Variants in NTNG1 observed in about 807,000 individuals in gnomAD.
The protein encoded by NTNG1 is netrin-G1.
NTNG1 carries 16 observed loss-of-function variants against 54.0 expected under a neutral mutation model. The observed-to-expected ratio is 0.30, with a 90% confidence interval of 0.20 to 0.45. NTNG1 has a LOEUF of 0.45. Among genes scored for constraint, NTNG1 ranks in the 20% least tolerant of loss-of-function variants. The pLI, the probability that NTNG1 is intolerant of heterozygous loss-of-function variation, is 1.00. For synonymous variants in NTNG1, 255 were observed against 263.1 expected, an observed-to-expected ratio of 0.97 and a Z score of 0.30; for missense variants, 530 against 678.7, an observed-to-expected ratio of 0.78 and a Z score of 2.43.
In NTNG1 at chr1:107,344,571, T is replaced by A. The variant is rs114958483; in HGVS notation, c.887+19649T>A. 2.2e-3 allele frequency among the ~76,000 whole-genome samples: 338 copies of A among 152,250 alleles called. 3 individuals are homozygous for A. The highest frequency in any genetic ancestry group is 7.7e-3 in the African/African-American group (322 of 41,560). On this transcript the variant is annotated intron_variant, in intron 3 of 7. Coordinates refer to ENST00000370068, the MANE Select transcript of NTNG1 (RefSeq NM_001113226.3). ...AGGGAGGGGATTCAAACACATTCCA[T>A]CTGTTGGTGTTTTAATTTTTTTCAA...
chr1:107,414,097 C>CAGT (rs1267328286), intron 5 of NTNG1, among the ~76,000 whole-genome samples: 5 of 152,152 alleles, frequency 3.3e-5, no homozygotes, highest in African/African-American at 1.2e-4. Flanking sequence ...TGTTAATAAA[C>CAGT]TGTCTTTAGT....
intron 5 of NTNG1, among the ~76,000 whole-genome samples, chr1:107,414,308 A>G (rs1674051041): frequency 6.6e-6 from 1 of 152,126 alleles, no homozygotes; most frequent in Non-Finnish European, 1.5e-5. Context: ...AATTGATTTC[A>G]AGTGCGACCA....
At chr1:107,206,126 A>G (rs1438881630) in intron 2 of NTNG1, among the ~76,000 whole-genome samples, 1 of 151,938 alleles carries the variant, frequency 6.6e-6, no homozygotes, top group African/African-American at 2.4e-5. Flanking sequence ...TACCTTGGAG[A>G]AGTCTAATTG....
intron 7 of NTNG1, among the ~76,000 whole-genome samples, chr1:107,450,353 G>C (rs2101478672): frequency 6.6e-6 from 1 of 152,148 alleles, no homozygotes; most frequent in East Asian, 1.9e-4. Context: ...GATAAGAATT[G>C]GACCCACATC....
intron 2 of NTNG1, among the ~76,000 whole-genome samples, chr1:107,150,583 G>C (rs1029712299): frequency 6.6e-6 from 1 of 152,144 alleles, no homozygotes; most frequent in Admixed American, 6.5e-5. Flanking sequence ...ACAGATCTAA[G>C]TAAAATAGCA....
intron 2 of NTNG1, among the ~76,000 whole-genome samples, chr1:107,305,372 A>T (rs1278383209): frequency 6.6e-6 from 1 of 152,022 alleles, no homozygotes; most frequent in Non-Finnish European, 1.5e-5. Flanking sequence ...TAGCCTTCCT[A>T]TTTCTCCACA....
intron 3 of NTNG1, among the ~76,000 whole-genome samples, chr1:107,329,701 A>G (rs1284408002): frequency 6.6e-6 from 1 of 152,108 alleles, no homozygotes; most frequent in African/African-American, 2.4e-5. Context: ...ATTAGTCTCA[A>G]TTATTGAGGT....
At chr1:107,459,636 A>G (rs1677159171) in intron 7 of NTNG1, among the ~76,000 whole-genome samples, 1 of 152,150 alleles carries the variant, frequency 6.6e-6, no homozygotes, top group South Asian at 2.1e-4. Flanking sequence ...AGGTTGGGGG[A>G]GGACTTAGCA....
At chr1:107,171,325 T>G (rs1464214301) in intron 2 of NTNG1, among the ~76,000 whole-genome samples, 1 of 152,144 alleles carries the variant, frequency 6.6e-6, no homozygotes, top group Non-Finnish European at 1.5e-5. Context: ...ATGATAACCC[T>G]TGCTCATTTT....
chr1:107,149,470 A>T (rs968683554), intron 2 of NTNG1, among the ~76,000 whole-genome samples: 1 of 152,182 alleles, frequency 6.6e-6, no homozygotes, highest in African/African-American at 2.4e-5. Flanking sequence ...TTTAAAGATG[A>T]CTTTTGGAAT....
chr1:107,457,062 C>T (rs1161922200), intron 7 of NTNG1, among the ~76,000 whole-genome samples: 1 of 152,212 alleles, frequency 6.6e-6, no homozygotes, highest in Admixed American at 6.5e-5. Flanking sequence ...GTTATATTAT[C>T]TGAAGAAAAT....
chr1:107,248,807 A>G (rs756919342), intron 2 of NTNG1, among the ~76,000 whole-genome samples: 23 of 152,172 alleles, frequency 1.5e-4, no homozygotes, highest in Non-Finnish European at 3.4e-4. Flanking sequence ...TAAATCCTTA[A>G]GAATGTTGGT....
chr1:107,327,846 T>C (rs1258832943), intron 3 of NTNG1, among the ~76,000 whole-genome samples: 1 of 152,182 alleles, frequency 6.6e-6, no homozygotes, highest in African/African-American at 2.4e-5. Flanking sequence ...ACAGTTGATC[T>C]TTGCTTAAGA....
chr1:107,449,662 T>C (rs1042427491), intron 7 of NTNG1, among the ~76,000 whole-genome samples: 10 of 151,866 alleles, frequency 6.6e-5, no homozygotes, highest in African/African-American at 2.4e-4. Flanking sequence ...AATACCTGAC[T>C]TAAAGAGTCC....
chr1:107,151,538 A>C (rs577885853), intron 2 of NTNG1, among the ~76,000 whole-genome samples: 9 of 152,226 alleles, frequency 5.9e-5, no homozygotes, highest in African/African-American at 1.9e-4. Flanking sequence ...TTTGCTGCAA[A>C]ATTGTTTCAG....
At chr1:107,429,211 C>T (rs1195420169) in intron 5 of NTNG1, among the ~76,000 whole-genome samples, 5 of 152,038 alleles carry the variant, frequency 3.3e-5, no homozygotes, top group Non-Finnish European at 7.4e-5. Context: ...ATCTTCTACT[C>T]TTCACCATTT....
intron 2 of NTNG1, among the ~76,000 whole-genome samples, chr1:107,205,936 G>A (rs1210181168): frequency 6.6e-6 from 1 of 152,006 alleles, no homozygotes; most frequent in Non-Finnish European, 1.5e-5. Context: ...TGACTTGTTG[G>A]GTTTAATGTT....
At chr1:107,211,103 G>A (rs943583573) in intron 2 of NTNG1, among the ~76,000 whole-genome samples, 3 of 152,216 alleles carry the variant, frequency 2.0e-5, no homozygotes, top group East Asian at 1.9e-4. Context: ...TATTTCATAT[G>A]TGTTGGTTTG....
chr1:107,194,018 G>A (rs573027313), intron 2 of NTNG1, among the ~76,000 whole-genome samples: 28 of 152,022 alleles, frequency 1.8e-4, no homozygotes, highest in Admixed American at 4.6e-4. Flanking sequence ...TTTATCTAAT[G>A]ATTTCCTTCT....
Sources: gnomAD v4.1 joint callset for allele counts (sites outside exome capture counted in the v4.1 genomes callset) on GRCh38, gnomAD v4.1.1 for gene constraint, MANE v1.5 for transcripts, NCBI Gene and HGNC (gene_info 2026-07-23, HGNC 2026-07-21) for gene names.